Variants in ADCY3 observed in about 807,000 individuals in gnomAD.
ADCY3 encodes adenylate cyclase type 3.
In ADCY3, 70 loss-of-function variants were observed where a neutral mutation model predicts 119.4. That is an observed-to-expected ratio of 0.59 (90% confidence interval 0.48 to 0.72). The LOEUF (loss-of-function observed/expected upper bound fraction) is 0.72, where lower values mean the gene tolerates loss of function less well. Ranked by LOEUF, ADCY3 falls within the 30% of genes least tolerant of loss-of-function variation. The pLI, the probability that ADCY3 is intolerant of heterozygous loss-of-function variation, is 0.00. For synonymous variants in ADCY3, 672 were observed against 621.4 expected, an observed-to-expected ratio of 1.08 and a Z score of -1.21; for missense variants, 1,238 against 1,541.6, an observed-to-expected ratio of 0.80 and a Z score of 3.30.
intron 6 of ADCY3, among the ~76,000 whole-genome samples, chr2:24,840,808 G>T (rs1459506873): frequency 6.6e-6 from 1 of 152,186 alleles, no homozygotes; most frequent in Non-Finnish European, 1.5e-5. Flanking sequence ...GGCCGGGGTG[G>T]GATCCAGCCT....
intron 7 of ADCY3, among the ~76,000 whole-genome samples, chr2:24,839,451 G>A (rs6751537): frequency 0.55 from 84,359 of 152,068 alleles, 23,816 homozygotes; most frequent in East Asian, 0.83. Flanking sequence ...CTCAAGTAAG[G>A]CGTGTAATCG....
rs776249385 is a variant in ADCY3, at chr2:24,918,634, G to A, written c.354C>T (p.Asp118=). Residue 118 remains aspartate (D), a synonymous_variant, in exon 2 of 22, where the codon GAC becomes GAT. Coordinates refer to ENST00000679454, the MANE Select transcript of ADCY3 (RefSeq NM_004036.5). The surrounding 1 kb of genome is among the most constrained non-coding windows in gnomAD (Gnocchi z 5.4). ...LAVAGIGLVL[D]IILFVLCKKG... ...TTTTGCAGAGCACGAAGAGGATGAT[G>A]TCCAACACCAGTCCAATTCCAGCCA... 5.0e-6 allele frequency: 8 copies of A among 1,614,022 alleles called. No individual in the cohort carries two copies. The African/African-American group carries it at 6.7e-5, about 13-fold the overall frequency.
chr2:24,892,914 T>G (rs1036390115), intron 2 of ADCY3, among the ~76,000 whole-genome samples: 1 of 152,142 alleles, frequency 6.6e-6, no homozygotes, highest in African/African-American at 2.4e-5. Context: ...TCCGCCCACC[T>G]TGGCCTCCCA....
At position 24,824,392 on chromosome 2, in the gene ADCY3, T is replaced by G. The variant is rs1356582557; in HGVS notation, c.2722A>C (p.Lys908Gln). ...EHVARHFLGS[K>Q]KRDEELYSQT... ...ACACCCCTCACCTCATCTCTCTTCT[T>G]GGACCCCAGGAAATGGCGTGCCACG... is the stretch of plus-strand genomic sequence containing the variant. The change falls in exon 17 of 22, where the codon AAG becomes CAG. Residue 908 changes from lysine to glutamine, a missense_variant. Coordinates refer to ENST00000679454, the MANE Select transcript of ADCY3 (RefSeq NM_004036.5). The G allele has an allele frequency of 6.2e-7, 1 of 1,614,200 alleles. No individual in the cohort carries two copies. Among genetic ancestry groups the G allele is most frequent in the South Asian group, 1.1e-5 (1 of 91,086 alleles).
intron 2 of ADCY3, among the ~76,000 whole-genome samples, chr2:24,876,365 A>AT (rs1675715449): frequency 6.6e-6 from 1 of 152,186 alleles, no homozygotes; most frequent in South Asian, 2.1e-4. Context: ...AGCTGCACGC[A>AT]TTTTAAATCT....
In ADCY3 at chr2:24,828,040, G is replaced by A. The variant is rs997622455; in HGVS notation, c.2294C>T (p.Thr765Ile). The A allele has an allele frequency of 1.9e-6, 3 of 1,614,258 alleles. No homozygotes were observed. Among genetic ancestry groups the A allele is most frequent in the Non-Finnish European group, 2.5e-6 (3 of 1,180,054 alleles). ...GTGGCTGACCTGCACCAGCATGATG[G>A]TGGCGATGAGGGACAGCACGGCCAC... Reference protein sequence around the residue: ...NYVAVLSLIATIMLVQVSHMV... With the variant: ...NYVAVLSLIAIIMLVQVSHMV... Residue 765 changes from threonine (T) to isoleucine (I), a missense_variant, in exon 14 of 22, where the codon ACC (threonine) becomes ATC (isoleucine). Coordinates refer to ENST00000679454, the MANE Select transcript of ADCY3 (RefSeq NM_004036.5).
rs190115685 is a variant in ADCY3, at chr2:24,869,464, G to A, written c.825+3106C>T. On this transcript the variant is annotated intron_variant, in intron 3 of 21. Coordinates refer to ENST00000679454, the MANE Select transcript of ADCY3 (RefSeq NM_004036.5). ...TTTGTTGCCCAAGCTGGAGTGCAGTGGCACAATCATGGCTCACTGCAGCCT... is the reference window on the plus strand; with the variant it reads ...TTTGTTGCCCAAGCTGGAGTGCAGTAGCACAATCATGGCTCACTGCAGCCT... Among the ~76,000 whole-genome samples, 21 of 152,154 alleles carry A rather than the reference G, an allele frequency of 1.4e-4. No homozygotes were observed. The South Asian group carries it at 2.7e-3, about 20-fold the overall frequency.
At chr2:24,837,481 C>A (rs1199276440) in intron 8 of ADCY3, among the ~76,000 whole-genome samples, 1 of 152,094 alleles carries the variant, frequency 6.6e-6, no homozygotes, top group Non-Finnish European at 1.5e-5. Context: ...TTAGAATCAG[C>A]GGGGAGTATC....
chr2:24,840,568 G>A (rs945445688), intron 6 of ADCY3: 5 of 468,024 alleles, frequency 1.1e-5, no homozygotes, highest in Admixed American at 9.5e-5. Context: ...CGGAGAAGGG[G>A]GTAAAGAGCA....
chr2:24,824,344 C>T, intron 17 of ADCY3, 34 bp downstream of exon 17: 6 of 1,607,680 alleles, frequency 3.7e-6, no homozygotes, highest in African/African-American at 1.3e-5. Flanking sequence ...AGACAAATGG[C>T]CTCATGGTTC....
chr2:24,916,232 G>A (rs765010195), intron 2 of ADCY3, among the ~76,000 whole-genome samples: 20 of 152,168 alleles, frequency 1.3e-4, no homozygotes, highest in Non-Finnish European at 1.3e-4. Flanking sequence ...AGTGATCTCC[G>A]AGTAGCCACG....
In ADCY3 at chr2:24,834,930, T is replaced by C. The variant is rs1670097129; in HGVS notation, c.1669A>G (p.Asn557Asp). The C allele has an allele frequency of 6.2e-7, 1 of 1,613,296 alleles. No individual in the cohort carries two copies. Among genetic ancestry groups the C allele is most frequent in the Non-Finnish European group, 8.5e-7 (1 of 1,179,824 alleles). Reference sequence around the variant, plus strand: ...CGGCGTGGGTTGGGGAATGAGGGGTTGTCGGCCTGTGAGCCAGGGAGGCAG... The same window carrying C: ...CGGCGTGGGTTGGGGAATGAGGGGTCGTCGGCCTGTGAGCCAGGGAGGCAG... ...KPEEQDAQAD[N>D]PSFPNPRRRL... is the part of the protein sequence containing the mutation. The change falls in exon 10 of 22, where the codon AAC (asparagine) becomes GAC (aspartate). Residue 557 changes from asparagine (N) to aspartate (D), a missense_variant. Physicochemically the swap from Asn to Asp is conservative, Grantham distance 23. This residue lies in a region of ADCY3 where 499 missense variants were observed against 571.0 expected (regional missense o/e 0.87). Transcript: ENST00000679454. The surrounding 1 kb of genome is among the most constrained non-coding windows in gnomAD (Gnocchi z 4.2).
chr2:24,875,541 T>C (rs1675578871), intron 2 of ADCY3, among the ~76,000 whole-genome samples: 1 of 152,238 alleles, frequency 6.6e-6, no homozygotes, highest in African/African-American at 2.4e-5. Flanking sequence ...GCTGCGCTTG[T>C]GGTGGGAGAG....
At chr2:24,847,500 G>A (rs990493364) in intron 3 of ADCY3, among the ~76,000 whole-genome samples, 1 of 152,062 alleles carries the variant, frequency 6.6e-6, no homozygotes, top group African/African-American at 2.4e-5. Flanking sequence ...ATCCCAGTAC[G>A]CCCTGCCCTG....
At chr2:24,873,034 G>A (rs1352696925) in intron 2 of ADCY3, among the ~76,000 whole-genome samples, 1 of 152,232 alleles carries the variant, frequency 6.6e-6, no homozygotes, top group Non-Finnish European at 1.5e-5. Context: ...TCCCAACAAA[G>A]CAAGGCTGGC....
intron 2 of ADCY3, among the ~76,000 whole-genome samples, chr2:24,904,796 C>T (rs1184915025): frequency 6.6e-6 from 1 of 151,736 alleles, no homozygotes; most frequent in East Asian, 2.0e-4. Context: ...CATGCACCAC[C>T]ACGTCCAGCT....
chr2:24,873,650 T>C (rs1475167960), intron 2 of ADCY3, among the ~76,000 whole-genome samples: 1 of 152,208 alleles, frequency 6.6e-6, no homozygotes, highest in East Asian at 1.9e-4. Flanking sequence ...TCTTTGGCCA[T>C]GCCTGGGCCC....
rs371084505 is a variant in ADCY3 at position 24,825,305 on chromosome 2, T to C, written c.2577+740A>G. On this transcript the variant is annotated intron_variant, in intron 16 of 21. Coordinates refer to ENST00000679454, the MANE Select transcript of ADCY3 (RefSeq NM_004036.5). Reference sequence around the variant, plus strand: ...TCCCTCTCTTCCTTCTCTTTTCCTTTTTTGTCCGGTTGAGTGCGGTGGTTG... The same window carrying C: ...TCCCTCTCTTCCTTCTCTTTTCCTTCTTTGTCCGGTTGAGTGCGGTGGTTG... Among the ~76,000 whole-genome samples the C allele has an allele frequency of 3.6e-3, 512 of 142,676 alleles. 4 individuals are homozygous for C. The highest frequency in any genetic ancestry group is 0.013 in the African/African-American group (476 of 37,064). 93.6% of individuals were successfully genotyped at this position (142,676 alleles called of 152,430 possible).
At chr2:24,890,846 T>C (rs748209046) in intron 2 of ADCY3, among the ~76,000 whole-genome samples, 2 of 152,138 alleles carry the variant, frequency 1.3e-5, no homozygotes, top group South Asian at 2.1e-4. Context: ...GCTTCTAAGG[T>C]AGAAGCTTCC....
Sources: gnomAD v4.1 joint callset for allele counts (sites outside exome capture counted in the v4.1 genomes callset) on GRCh38, gnomAD v4.1.1 for gene constraint, gnomAD v4.1.1 regional missense constraint, Gnocchi (gnomAD v3.1) non-coding constraint, MANE v1.5 for transcripts, NCBI Gene and HGNC (gene_info 2026-07-23, HGNC 2026-07-21) for gene names.